CCDC149: variants seen among roughly 807,000 people sequenced by gnomAD.
The protein encoded by CCDC149 is coiled-coil domain containing 149.
A neutral mutation model predicts 59.9 loss-of-function variants in CCDC149; 45 were observed. The ratio of observed to expected loss-of-function variants is 0.75; its 90% CI spans 0.59 to 0.96. The LOEUF is 0.96. CCDC149 is among the 40% of genes least tolerant of loss of function. CCDC149 has a pLI of 0.00. For synonymous variants in CCDC149, 245 were observed against 260.6 expected (o/e 0.94, Z 0.58); for missense variants, 584 against 664.7 (o/e 0.88, Z 1.33).
chr4:24,912,804 G>T lies in CCDC149; in HGVS notation c.63+13C>A. On this transcript the variant is annotated intron_variant, in intron 1 of 12. Coordinates refer to ENST00000635206, the MANE Select transcript of CCDC149 (RefSeq NM_001330643.2). ...GCCCGGCCCATCCCGCCTGGCCGGCGCCGCGGCCTCACCTCGCTCACCAGC... is the reference window on the plus strand; with the variant it reads ...GCCCGGCCCATCCCGCCTGGCCGGCTCCGCGGCCTCACCTCGCTCACCAGC... The T allele has an allele frequency of 7.6e-7, 1 of 1,322,562 alleles. No homozygotes were observed. The allele number at this position is 1,322,562 out of a possible 1,614,324, so 81.9% of individuals were successfully genotyped here. A position where few individuals can be genotyped will look rare whatever the true frequency, so the allele number is the denominator to read the frequency against.
At chr4:24,890,752 G>C (rs1418726032) in intron 1 of CCDC149, among the ~76,000 whole-genome samples, 3 of 152,212 alleles carry the variant, frequency 2.0e-5, no homozygotes, top group African/African-American at 7.2e-5. Flanking sequence ...CTTGAGTCAG[G>C]TGCACATACT....
intron 1 of CCDC149, among the ~76,000 whole-genome samples, chr4:24,955,437 A>G (rs1171419050): frequency 1.3e-5 from 2 of 152,212 alleles, no homozygotes; most frequent in Non-Finnish European, 2.9e-5. Context: ...GGACACATTA[A>G]AACCATAGCA....
rs113814606 is a variant in CCDC149 at position 24,892,975 on chromosome 4, G to C, written c.64-16278C>G. On this transcript the variant is annotated intron_variant, in intron 1 of 12. Transcript: ENST00000635206. ...ATAGTGAGTAAGCACTCCAGACAGA[G>C]AGAAAAGGGGGCTGATCGCCCTCAT... Among the ~76,000 whole-genome samples the C allele has an allele frequency of 6.9e-3, 1,046 of 152,288 alleles. 20 individuals are homozygous for C. The highest frequency in any genetic ancestry group is 0.024 in the African/African-American group (991 of 41,546).
At chr4:24,969,562 C>A (rs1723901106) in intron 1 of CCDC149, among the ~76,000 whole-genome samples, 2 of 152,308 alleles carry the variant, frequency 1.3e-5, no homozygotes, top group Admixed American at 6.5e-5. Context: ...ATATGTCACA[C>A]CCCTGTCTTT....
chr4:24,976,653 C>T (rs1344725846), intron 1 of CCDC149, among the ~76,000 whole-genome samples: 1 of 152,138 alleles, frequency 6.6e-6, no homozygotes, highest in Non-Finnish European at 1.5e-5. Context: ...GCAGAGATTG[C>T]AGTGAGCCGA....
In CCDC149 at chr4:24,838,239, C is replaced by T. The variant is rs755220017; in HGVS notation, c.406G>A (p.Gly136Arg). The T allele has an allele frequency of 5.6e-6, 9 of 1,614,130 alleles. No individual in the cohort carries two copies. Among genetic ancestry groups the T allele is most frequent in the Admixed American group, 5.0e-5 (3 of 60,026 alleles). ...TGTCGCACGCCGATTGCTTCGTCTC[C>T]GAGCCTTTGTTTGGCAATCGTCATC... The change falls in exon 5 of 13, where the codon GGA becomes AGA. Residue 136 changes from glycine (G) to arginine (R), a missense_variant. Coordinates refer to ENST00000635206, the MANE Select transcript of CCDC149 (RefSeq NM_001330643.2).
chr4:24,874,247 T>TA (rs1719248846), intron 2 of CCDC149, among the ~76,000 whole-genome samples: 1 of 81,716 alleles, frequency 1.2e-5, no homozygotes, highest in Non-Finnish European at 2.2e-5. Context: ...TAGATTTGTT[T>TA]TTTTTTTTTT....
At chr4:24,884,189 C>T (rs1032126370) in intron 1 of CCDC149, among the ~76,000 whole-genome samples, 1 of 152,194 alleles carries the variant, frequency 6.6e-6, no homozygotes, top group African/African-American at 2.4e-5. Context: ...GCATGTACAA[C>T]GGTGGTCCCG....
intron 1 of CCDC149, among the ~76,000 whole-genome samples, chr4:24,937,897 A>G (rs1722829585): frequency 6.8e-6 from 1 of 148,110 alleles, no homozygotes; most frequent in Non-Finnish European, 1.5e-5. Flanking sequence ...CCAAATTCAC[A>G]CTTTTTCCTA....
chr4:24,973,025 C>G (rs1032316388), intron 1 of CCDC149, among the ~76,000 whole-genome samples: 3 of 152,176 alleles, frequency 2.0e-5, no homozygotes, highest in Non-Finnish European at 4.4e-5. Context: ...TCCACAACCC[C>G]TCATCTTGAC....
At chr4:24,860,366 G>A (rs751952963) in intron 3 of CCDC149, among the ~76,000 whole-genome samples, 2 of 152,122 alleles carry the variant, frequency 1.3e-5, no homozygotes, top group Non-Finnish European at 2.9e-5. Flanking sequence ...TTCAACAAAC[G>A]GTGCTGTGAT....
chr4:24,847,063 C>T lies in CCDC149; in HGVS notation c.372+6009G>A, dbSNP rs114411683. Among the ~76,000 whole-genome samples the T allele has an allele frequency of 1.0e-2, 1,518 of 152,220 alleles. 24 individuals carry two copies. Among genetic ancestry groups the T allele is most frequent in the African/African-American group, 0.034 (1,416 of 41,526 alleles). On this transcript the variant is annotated intron_variant, in intron 4 of 12. Transcript: ENST00000635206. The stretch of plus-strand genomic sequence containing the variant: ...CCAAAGCAATAATGCTTGATGCTGG[C>T]GAAGTCGAGGCTGGTGATCAGGAGG...
In CCDC149 at chr4:24,887,913, C is replaced by T. The variant is rs563611336; in HGVS notation, c.64-11216G>A. Among the ~76,000 whole-genome samples the T allele has an allele frequency of 8.5e-5, 13 of 152,286 alleles. No homozygotes were observed. The East Asian group carries it at 2.3e-3, about 27-fold the overall frequency. On this transcript the variant is annotated intron_variant, in intron 1 of 12. Transcript: ENST00000635206. ...TTCATCATCAGCTCTTCTACTCCCG[C>T]CCTCCATGTTCCTGTTCAGCCCACC... is the stretch of plus-strand genomic sequence containing the variant.
At chr4:24,905,195 G>A (rs1053592455) in intron 1 of CCDC149, among the ~76,000 whole-genome samples, 5 of 151,480 alleles carry the variant, frequency 3.3e-5, no homozygotes, top group Non-Finnish European at 7.4e-5. Flanking sequence ...CACCGCACCC[G>A]GCCTTTCTTC....
At chr4:24,867,656 T>G (rs1718782990) in intron 3 of CCDC149, among the ~76,000 whole-genome samples, 1 of 152,214 alleles carries the variant, frequency 6.6e-6, no homozygotes, top group South Asian at 2.1e-4. Context: ...AATGCAAATT[T>G]TTTTGCAGGC....
intron 1 of CCDC149, among the ~76,000 whole-genome samples, chr4:24,953,940 GAAGA>G (rs145671918): frequency 0.18 from 26,767 of 151,656 alleles, 3,160 homozygotes; most frequent in African/African-American, 0.32. Flanking sequence ...TGAGCAGGCA[GAAGA>G]AAGAATCAGT....
upstream of CCDC149, among the ~76,000 whole-genome samples, chr4:24,917,782 T>C (rs1296653930): frequency 1.3e-5 from 2 of 152,130 alleles, no homozygotes; most frequent in Non-Finnish European, 2.9e-5. Flanking sequence ...TATTCAAATT[T>C]GTTGTACTTA....
chr4:24,924,435 G>C (rs1722381139), intron 1 of CCDC149, among the ~76,000 whole-genome samples: 1 of 152,194 alleles, frequency 6.6e-6, no homozygotes, highest in Non-Finnish European at 1.5e-5. Flanking sequence ...CCACAGTAGG[G>C]TCAGCTGGCT....
chr4:24,971,962 T>C (rs1665363589), intron 1 of CCDC149, among the ~76,000 whole-genome samples: 2 of 152,240 alleles, frequency 1.3e-5, no homozygotes, highest in Non-Finnish European at 2.9e-5. Context: ...AAAAAATCTT[T>C]AAATCTTCAT....
Sources: allele counts gnomAD v4.1 joint callset (sites outside exome capture counted in the v4.1 genomes callset), GRCh38; gene constraint gnomAD v4.1.1; transcripts MANE v1.5; gene names NCBI Gene and HGNC (gene_info 2026-07-23, HGNC 2026-07-21).